The following GRIN2A variants were observed in gnomAD, a reference collection of about 807,000 sequenced individuals.
The protein encoded by GRIN2A is glutamate receptor ionotropic, NMDA 2A.
GRIN2A carries 22 observed loss-of-function variants against 113.4 expected under a neutral mutation model. That is an observed-to-expected ratio of 0.19 (90% CI 0.14 to 0.28). The LOEUF (loss-of-function observed/expected upper bound fraction) is 0.28, where lower values mean the gene tolerates loss of function less well. Among genes scored for constraint, GRIN2A ranks in the 10% least tolerant of loss-of-function variants. GRIN2A has a pLI of 1.00. For synonymous variants in GRIN2A, 827 were observed against 738.4 expected (o/e 1.12, Z -1.94); for missense variants, 1,502 against 1,887.0 (o/e 0.80, Z 3.78).
chr16:10,118,526 C>T (rs8058567), intron 2 of GRIN2A, among the ~76,000 whole-genome samples: 36 of 152,108 alleles, frequency 2.4e-4, no homozygotes, highest in Non-Finnish European at 4.0e-4. Context: ...CCATTCATCC[C>T]CTCTGAAAAT....
At chr16:9,805,527 C>T (rs1038834373) in intron 10 of GRIN2A, 1 of 152,118 alleles carries the variant, frequency 6.6e-6, no homozygotes, top group Non-Finnish European at 1.5e-5. Context: ...CACTTGAGGT[C>T]AGTTGGCATG....
At chr16:9,958,005 A>G (rs1401018518) in intron 2 of GRIN2A, among the ~76,000 whole-genome samples, 2 of 152,120 alleles carry the variant, frequency 1.3e-5, no homozygotes, top group Non-Finnish European at 2.9e-5. Context: ...TCTCAGTTAT[A>G]CCAGGAAAGA....
At chr16:9,990,910 T>C (rs2046099523) in intron 2 of GRIN2A, among the ~76,000 whole-genome samples, 2 of 151,898 alleles carry the variant, frequency 1.3e-5, no homozygotes, top group South Asian at 2.1e-4. Flanking sequence ...CTACTAAAAA[T>C]ACAAAAGTTA....
chr16:9,872,642 C>G (rs2043288078), intron 4 of GRIN2A, among the ~76,000 whole-genome samples: 1 of 152,002 alleles, frequency 6.6e-6, no homozygotes, highest in Non-Finnish European at 1.5e-5. Context: ...ACTATTTAGC[C>G]ATAAAAAAGA....
chr16:9,864,500 G>C (rs2043128085), intron 4 of GRIN2A, among the ~76,000 whole-genome samples: 1 of 152,084 alleles, frequency 6.6e-6, no homozygotes, highest in South Asian at 2.1e-4. Flanking sequence ...TTTATAAAAG[G>C]AGATAAGTTC....
rs2048022127 is a variant in GRIN2A at position 10,083,445 on chromosome 16, T to C, written c.414+96553A>G. ...CCAGTTTGATCTCAGGACATTTCCT[T>C]TTCAGGAATTACTTGTATAGCTACC... On this transcript the variant is annotated intron_variant, in intron 2 of 12. Coordinates refer to ENST00000330684, the MANE Select transcript of GRIN2A (RefSeq NM_001134407.3). Among the ~76,000 whole-genome samples, 3 of 152,218 alleles carry C rather than the reference T, an allele frequency of 2.0e-5. No homozygotes were observed. The South Asian group carries it at 6.2e-4, about 32-fold the overall frequency.
chr16:9,858,388 T>G lies in GRIN2A; in HGVS notation c.1123-8427A>C, dbSNP rs528459745. On this transcript the variant is annotated intron_variant, in intron 4 of 12. Coordinates refer to ENST00000330684, the MANE Select transcript of GRIN2A (RefSeq NM_001134407.3). The stretch of plus-strand genomic sequence containing the variant: ...TTAGGGAAATACTTTTTTATCTCTA[T>G]TATGAATTTTTTTGGTACTTAAAAG... 8.5e-5 allele frequency among the ~76,000 whole-genome samples: 13 copies of G among 152,282 alleles called. No individual in the cohort carries two copies. In the East Asian group the frequency reaches 9.6e-4, roughly 11 times the overall value.
chr16:9,999,442 G>C (rs931908481), intron 2 of GRIN2A, among the ~76,000 whole-genome samples: 1 of 152,156 alleles, frequency 6.6e-6, no homozygotes, highest in Non-Finnish European at 1.5e-5. Flanking sequence ...GTCTTTTGTA[G>C]GGACATGGAT....
intron 11 of GRIN2A, among the ~76,000 whole-genome samples, chr16:9,780,887 C>A (rs1901898985): frequency 1.3e-5 from 2 of 151,852 alleles, no homozygotes; most frequent in African/African-American, 2.4e-5. Flanking sequence ...GAGAAAATTT[C>A]TTTAAGGATA....
At chr16:9,775,847 A>G (rs751593477) in intron 11 of GRIN2A, among the ~76,000 whole-genome samples, 7 of 152,156 alleles carry the variant, frequency 4.6e-5, no homozygotes, top group East Asian at 1.9e-4. Flanking sequence ...CTCACATACA[A>G]TAGGAGGTAA....
At chr16:10,085,761 G>C (rs1485516888) in intron 2 of GRIN2A, among the ~76,000 whole-genome samples, 1 of 152,192 alleles carries the variant, frequency 6.6e-6, no homozygotes. Context: ...GTAAGTCTGA[G>C]CTCCTGTCTG....
chr16:9,892,948 AAAGAAG>A (rs554206395), intron 3 of GRIN2A, among the ~76,000 whole-genome samples: 3,375 of 146,408 alleles, frequency 0.023, 141 homozygotes, highest in African/African-American at 0.083. Flanking sequence ...AAAAAAAAAA[AAAGAAG>A]AAGAAGAAGA....
chr16:10,119,971 T>A (rs985237952), intron 2 of GRIN2A, among the ~76,000 whole-genome samples: 4 of 152,224 alleles, frequency 2.6e-5, no homozygotes, highest in African/African-American at 9.6e-5. Flanking sequence ...ATTTTCTTTA[T>A]CCAGTCTACC....
intron 2 of GRIN2A, among the ~76,000 whole-genome samples, chr16:10,080,792 A>T (rs1368461464): frequency 6.6e-6 from 1 of 152,146 alleles, no homozygotes; most frequent in Non-Finnish European, 1.5e-5. Context: ...CACCTCAAGG[A>T]GGCCCAGCCC....
chr16:10,127,896 GT>G (rs35532612), intron 2 of GRIN2A, among the ~76,000 whole-genome samples: 13,770 of 81,692 alleles, frequency 0.17, 666 homozygotes, highest in South Asian at 0.33. Context: ...GGATAGGAGT[GT>G]TTTTTTGCTT....
chr16:10,164,322 AT>A (rs2049864287), intron 2 of GRIN2A, among the ~76,000 whole-genome samples: 1 of 152,232 alleles, frequency 6.6e-6, no homozygotes, highest in Non-Finnish European at 1.5e-5. Flanking sequence ...AAAGCAGAAT[AT>A]CTGTGCGTCA....
At chr16:10,152,752 A>G (rs1180043000) in intron 2 of GRIN2A, among the ~76,000 whole-genome samples, 1 of 152,248 alleles carries the variant, frequency 6.6e-6, no homozygotes, top group African/African-American at 2.4e-5. Flanking sequence ...ATATTATTCA[A>G]CGCAAAAAGG....
At chr16:9,884,530 C>T (rs377443089) in intron 4 of GRIN2A, among the ~76,000 whole-genome samples, 108 of 152,092 alleles carry the variant, frequency 7.1e-4, no homozygotes, top group African/African-American at 2.4e-3. Context: ...GCCTGGGTGA[C>T]AGTGTGAGAT....
chr16:9,778,921 C>G (rs567183718), intron 11 of GRIN2A, among the ~76,000 whole-genome samples: 69 of 152,296 alleles, frequency 4.5e-4, no homozygotes, highest in African/African-American at 1.6e-3. Flanking sequence ...GGTGCAAATT[C>G]AATACACCAC....
Sources: allele counts gnomAD v4.1 joint callset (sites outside exome capture counted in the v4.1 genomes callset), GRCh38; gene constraint gnomAD v4.1.1; transcripts MANE v1.5; gene names NCBI Gene and HGNC (gene_info 2026-07-23, HGNC 2026-07-21).